Variants in KLRD1 observed in about 807,000 individuals in gnomAD.
KLRD1 encodes killer cell lectin like receptor D1, also known as natural killer cells antigen CD94.
KLRD1 carries 21 observed loss-of-function variants against 22.6 expected under a neutral mutation model. The ratio of observed to expected loss-of-function variants is 0.93; its 90% CI spans 0.66 to 1.34. The LOEUF is 1.34. KLRD1 is among the 40% of genes most tolerant of loss of function. The pLI is 0.00. For synonymous variants in KLRD1, 59 were observed against 71.1 expected (o/e 0.83, Z 0.85); for missense variants, 183 against 208.6 (o/e 0.88, Z 0.76).
intron 1 of KLRD1, 133 bp from the exon 2 acceptor site, chr12:10,309,255 T>G: frequency 1.7e-6 from 1 of 589,506 alleles, no homozygotes; most frequent in South Asian, 2.4e-5. Context: ...AAGTCTTCAG[T>G]GTTTTATTGG....
rs1263330592 is a variant in KLRD1, at chr12:10,239,440, TC to T, written c.-101+13209del. 3.6e-4 allele frequency among the ~76,000 whole-genome samples: 13 copies of T among 36,324 alleles called. 1 individual carries two copies. The highest frequency in any genetic ancestry group is 3.5e-3 in the South Asian group (2 of 570). The allele number at this position is 36,324 out of a possible 152,430, so 23.8% of individuals were successfully genotyped here. On this transcript the variant is annotated intron_variant, in intron 1 of 5. Coordinates refer to the KLRD1 transcript ENST00000544747. ...TCTTTCCATCCTTCCTTCCTTTCCT[TC>T]CTTCCTTCCTTCCTTCCTTCCTTCC...
intron 1 of KLRD1, among the ~76,000 whole-genome samples, chr12:10,243,607 C>CAAAAA (rs34864670): frequency 1.0e-4 from 3 of 28,792 alleles, no homozygotes; most frequent in African/African-American, 4.1e-4. Flanking sequence ...AGTGAGACTC[C>CAAAAA]AAAAAAAAAA....
Position 10,313,463 on chromosome 12 carries a change from G to A in KLRD1, c.369G>A (p.Glu123=). 6.2e-7 allele frequency: 1 copy of A among 1,608,692 alleles called. No individual in the cohort carries two copies. Among genetic ancestry groups the A allele is most frequent in the African/African-American group, 1.3e-5 (1 of 74,732 alleles). The change falls in exon 5 of 6, where the codon GAG becomes GAA. Residue 123 remains glutamate, a synonymous_variant. Coordinates refer to ENST00000336164, the MANE Select transcript of KLRD1 (RefSeq NM_002262.5). ...QFYWIGLSYS[E]EHTAWLWENG... ...ACTGGATTGGACTCTCTTACAGTGA[G>A]GAGCACACCGCCTGGTTGTGGGAGA...
intron 1 of KLRD1, among the ~76,000 whole-genome samples, chr12:10,241,643 A>G (rs11053701): frequency 0.27 from 40,396 of 152,036 alleles, 5,534 homozygotes; most frequent in Non-Finnish European, 0.3. Flanking sequence ...TAAATACTAT[A>G]AGAAAAGGGA....
intron 1 of KLRD1, 128 bp downstream of exon 1, chr12:10,308,212 C>A: frequency 1.4e-6 from 1 of 729,966 alleles, no homozygotes; most frequent in Non-Finnish European, 2.4e-6. Flanking sequence ...GATTTTCATG[C>A]ATTAGCACTT....
chr12:10,248,536 TCCTTCCTTCCTTCCTTCCTTCCTTCC>T (rs1949314540), intron 1 of KLRD1, among the ~76,000 whole-genome samples: 1 of 112,252 alleles, frequency 8.9e-6, no homozygotes, highest in African/African-American at 3.4e-5. Context: ...TTCTTTTCCT[TCCTTCCTTCCTTCCTTCCTTCCTTCC>T]TTCCTTCCTT....
rs1171496007 is a variant in KLRD1, at chr12:10,325,686, T to C, written c.*10893T>C. On this transcript the variant is annotated 3_prime_UTR_variant, in exon 6 of 6. Transcript: ENST00000336164. Reference sequence around the variant, plus strand: ...CAAGTTTCATCCACATTGTTACATATTGCAGGATTTCATTTTTAAGGCTGG... The same window carrying C: ...CAAGTTTCATCCACATTGTTACATACTGCAGGATTTCATTTTTAAGGCTGG... The C allele has an allele frequency of 6.6e-6, 1 of 152,230 alleles. No homozygotes were observed. The highest frequency in any genetic ancestry group is 1.5e-5 in the Non-Finnish European group (1 of 68,034). 9.4% of individuals were successfully genotyped at this position (152,230 alleles called of 1,614,324 possible).
rs1430365223 is a variant in KLRD1 at position 10,316,594 on chromosome 12, G to A, written c.*1801G>A. 2 of 151,904 alleles carry A rather than the reference G, an allele frequency of 1.3e-5. No individual in the cohort carries two copies. The highest frequency in any genetic ancestry group is 2.9e-5 in the Non-Finnish European group (2 of 68,004). The allele number at this position is 151,904 out of a possible 1,614,324, so 9.4% of individuals were successfully genotyped here. The stretch of plus-strand genomic sequence containing the variant: ...TTTTTTGTATCATTTGTAGAAATGG[G>A]GTTTTGTATTGTTGCCCAGGCTGAT... On this transcript the variant is annotated 3_prime_UTR_variant, in exon 6 of 6. Coordinates refer to ENST00000336164, the MANE Select transcript of KLRD1 (RefSeq NM_002262.5).
chr12:10,241,472 G>C (rs1220764113), intron 1 of KLRD1, among the ~76,000 whole-genome samples: 2 of 152,178 alleles, frequency 1.3e-5, no homozygotes, highest in Admixed American at 1.3e-4. Context: ...ATGTTAATGT[G>C]CTACATTTGC....
chr12:10,273,535 A>G (rs1949567321), intron 1 of KLRD1, among the ~76,000 whole-genome samples: 1 of 152,204 alleles, frequency 6.6e-6, no homozygotes, highest in Non-Finnish European at 1.5e-5. Flanking sequence ...AGTCTAATGT[A>G]TGCTCTGAGA....
chr12:10,297,388 T>C (rs2137673495), intron 1 of KLRD1, among the ~76,000 whole-genome samples: 1 of 152,310 alleles, frequency 6.6e-6, no homozygotes, highest in East Asian at 1.9e-4. Flanking sequence ...CTCTAGAAGA[T>C]AGTTAAATGT....
Position 10,327,474 on chromosome 12 carries a change from C to T in KLRD1, c.*12681C>T, listed in dbSNP as rs1950371269. 1 of 152,100 alleles carries T rather than the reference C, an allele frequency of 6.6e-6. No individual in the cohort carries two copies. The highest frequency in any genetic ancestry group is 2.1e-4 in the South Asian group (1 of 4,834). 9.4% of individuals were successfully genotyped at this position (152,100 alleles called of 1,614,324 possible). ...GGTATTGCACTAAATCTGCAGATCA[C>T]ATTGTGAAATACAAATATTTTAACT... On this transcript the variant is annotated 3_prime_UTR_variant, in exon 6 of 6. Transcript: ENST00000336164.
Position 10,329,447 on chromosome 12 carries a change from A to G in KLRD1, c.*14654A>G, listed in dbSNP as rs79808029. ...TATGATCTATCCTGCAGAATGATCC[A>G]TGTGCACTTGAGAAGAATGTATACT... On this transcript the variant is annotated 3_prime_UTR_variant, in exon 6 of 6. Transcript: ENST00000336164. The G allele has an allele frequency of 1.3e-5, 2 of 152,346 alleles. No homozygotes were observed. The highest frequency in any genetic ancestry group is 4.8e-5 in the African/African-American group (2 of 41,570). The allele number at this position is 152,346 out of a possible 1,614,324, so 9.4% of individuals were successfully genotyped here.
At chr12:10,247,910 C>A (rs1423779902) in intron 1 of KLRD1, among the ~76,000 whole-genome samples, 1 of 152,196 alleles carries the variant, frequency 6.6e-6, no homozygotes, top group African/African-American at 2.4e-5. Context: ...AAACCTCTTT[C>A]CTTTACAAAT....
At chr12:10,295,282 G>A (rs2617126) in intron 1 of KLRD1, among the ~76,000 whole-genome samples, 148,850 of 152,244 alleles carry the variant, frequency 0.98, 72,849 homozygotes, top group East Asian at 1. Flanking sequence ...TCAAATTTCA[G>A]TTTTATTTTG....
At chr12:10,264,682 C>CTGTGTGTA (rs1555103018) in intron 1 of KLRD1, among the ~76,000 whole-genome samples, 60 of 149,868 alleles carry the variant, frequency 4.0e-4, no homozygotes, top group Admixed American at 8.0e-4. Context: ...TAGTTACCTT[C>CTGTGTGTA]TGTGTGTGTG....
chr12:10,260,613 C>G (rs979861485), intron 1 of KLRD1, among the ~76,000 whole-genome samples: 16 of 149,694 alleles, frequency 1.1e-4, no homozygotes, highest in African/African-American at 3.5e-4. Flanking sequence ...CCAGCCTGAC[C>G]AACATGATGA....
intron 1 of KLRD1, among the ~76,000 whole-genome samples, chr12:10,281,776 G>A (rs891397963): frequency 1.1e-4 from 17 of 152,208 alleles, no homozygotes; most frequent in African/African-American, 4.1e-4. Context: ...TCCCGTGACT[G>A]AACATGACTA....
intron 1 of KLRD1, among the ~76,000 whole-genome samples, chr12:10,265,523 G>A (rs993248224): frequency 1.3e-5 from 2 of 152,184 alleles, no homozygotes; most frequent in African/African-American, 2.4e-5. Context: ...TTGGGAGGCC[G>A]ATGCGGGTGG....
Sources: allele counts gnomAD v4.1 joint callset (sites outside exome capture counted in the v4.1 genomes callset), GRCh38; gene constraint gnomAD v4.1.1; transcripts MANE v1.5; gene names NCBI Gene and HGNC (gene_info 2026-07-23, HGNC 2026-07-21).